Variants in ENTREP2 observed in about 807,000 individuals in gnomAD.
ENTREP2 encodes protein ENTREP2.
chr15:29,227,226 T>C, the ENTREP2 span, among the ~76,000 whole-genome samples: 3 of 152,074 alleles, frequency 2.0e-5, no homozygotes, highest in African/African-American at 7.2e-5. Flanking sequence ...AGGACTGGAA[T>C]ATAGTTCATT....
chr15:29,639,269 G>A, the ENTREP2 span, among the ~76,000 whole-genome samples: 7,042 of 152,126 alleles, frequency 0.046, 181 homozygotes, highest in South Asian at 0.066. Context: ...AAAACTGGCC[G>A]AGTCTTGACT....
the ENTREP2 span, among the ~76,000 whole-genome samples, chr15:29,599,050 T>C: frequency 2.6e-5 from 4 of 152,182 alleles, no homozygotes; most frequent in African/African-American, 9.6e-5. Context: ...CCCATCTCCA[T>C]GCAGGGAATG....
At chr15:29,602,419 A>G in the ENTREP2 span, among the ~76,000 whole-genome samples, 3 of 152,230 alleles carry the variant, frequency 2.0e-5, no homozygotes, top group African/African-American at 7.2e-5. Context: ...TTTTAAAAAA[A>G]TGTATTTTAA....
the ENTREP2 span, among the ~76,000 whole-genome samples, chr15:29,191,787 G>A: frequency 6.6e-6 from 1 of 152,156 alleles, no homozygotes; most frequent in African/African-American, 2.4e-5. Flanking sequence ...GGTGGCATAT[G>A]CCTACAGTCC....
At chr15:29,655,459 T>C in the ENTREP2 span, among the ~76,000 whole-genome samples, 3,401 of 152,210 alleles carry the variant, frequency 0.022, 130 homozygotes, top group African/African-American at 0.078. Flanking sequence ...CTTTACTGTG[T>C]AACACAACAT....
the ENTREP2 span, among the ~76,000 whole-genome samples, chr15:29,359,719 T>A: frequency 6.6e-6 from 1 of 152,216 alleles, no homozygotes; most frequent in Non-Finnish European, 1.5e-5. Flanking sequence ...CCAGTTTCAA[T>A]CAATTATTCT....
At chr15:29,442,567 A>T in the ENTREP2 span, among the ~76,000 whole-genome samples, 1 of 152,206 alleles carries the variant, frequency 6.6e-6, no homozygotes, top group Non-Finnish European at 1.5e-5. Flanking sequence ...TCAGGAAAAC[A>T]CATGTTCCAG....
chr15:29,648,078 G>A, the ENTREP2 span, among the ~76,000 whole-genome samples: 15 of 147,328 alleles, frequency 1.0e-4, no homozygotes, highest in South Asian at 2.1e-4. Flanking sequence ...CCCCAATACC[G>A]GCTCCACCTG....
chr15:29,413,358 G>T, the ENTREP2 span, among the ~76,000 whole-genome samples: 1 of 152,114 alleles, frequency 6.6e-6, no homozygotes, highest in Non-Finnish European at 1.5e-5. Flanking sequence ...TCCTTTTCAT[G>T]ACAGATTGAT....
At chr15:29,489,043 G>A in the ENTREP2 span, among the ~76,000 whole-genome samples, 1 of 152,210 alleles carries the variant, frequency 6.6e-6, no homozygotes, top group Middle Eastern at 3.4e-3. Flanking sequence ...TTTTATAGAG[G>A]GAGTGGTTAC....
the ENTREP2 span, among the ~76,000 whole-genome samples, chr15:29,199,965 T>G: frequency 6.6e-6 from 1 of 152,244 alleles, no homozygotes; most frequent in Non-Finnish European, 1.5e-5. Context: ...CAACATTTGT[T>G]GAAAAATCTA....
At chr15:29,365,643 AT>A in the ENTREP2 span, among the ~76,000 whole-genome samples, 80 of 152,146 alleles carry the variant, frequency 5.3e-4, 1 homozygote, top group Admixed American at 1.4e-3. Flanking sequence ...TGCTCTGGGA[AT>A]ATAGTTTCCA....
the ENTREP2 span, among the ~76,000 whole-genome samples, chr15:29,643,350 A>C: frequency 6.6e-6 from 1 of 152,240 alleles, no homozygotes; most frequent in African/African-American, 2.4e-5. Context: ...CCCACTATAC[A>C]AATGGACCAA....
chr15:29,605,355 C>G, the ENTREP2 span, among the ~76,000 whole-genome samples: 292 of 152,236 alleles, frequency 1.9e-3, no homozygotes, highest in African/African-American at 6.7e-3. Flanking sequence ...GCTTTGAATT[C>G]CTTGTGTGTC....
chr15:29,558,106 C>T, the ENTREP2 span, among the ~76,000 whole-genome samples: 1 of 152,192 alleles, frequency 6.6e-6, no homozygotes, highest in African/African-American at 2.4e-5. Context: ...CCACCTGTGC[C>T]AGCGGATACC....
chr15:29,393,748 TTA>T, the ENTREP2 span, among the ~76,000 whole-genome samples: 911 of 83,000 alleles, frequency 0.011, 19 homozygotes, highest in Admixed American at 0.086. Context: ...TTATTTTTTT[TTA>T]AATTAACAAA....
At chr15:29,231,992 C>T in the ENTREP2 span, among the ~76,000 whole-genome samples, 11 of 150,248 alleles carry the variant, frequency 7.3e-5, no homozygotes, top group Admixed American at 1.3e-4. Context: ...CAGGTTCAAG[C>T]GATTCTCCCG....
At chr15:29,521,516 G>A in the ENTREP2 span, among the ~76,000 whole-genome samples, 76 of 152,280 alleles carry the variant, frequency 5.0e-4, no homozygotes, top group African/African-American at 1.8e-3. Flanking sequence ...GCTAGAAGTA[G>A]TATAACGCCC....
the ENTREP2 span, among the ~76,000 whole-genome samples, chr15:29,194,547 C>T: frequency 7.9e-5 from 12 of 152,336 alleles, no homozygotes; most frequent in East Asian, 2.3e-3. Flanking sequence ...ATGCATTCAG[C>T]TAGGCTCCCA....
Sources: allele counts gnomAD v4.1 joint callset (sites outside exome capture counted in the v4.1 genomes callset), GRCh38; gene constraint gnomAD v4.1.1; transcripts MANE v1.5; gene names NCBI Gene and HGNC (gene_info 2026-07-23, HGNC 2026-07-21).